The following ACACA variants were observed in gnomAD, a reference collection of about 807,000 sequenced individuals.
The protein encoded by ACACA is acetyl-CoA carboxylase alpha.
Under a neutral mutation model 296.1 loss-of-function variants are expected in ACACA, and 103 were observed. The observed-to-expected ratio is 0.35, with a 90% CI of 0.30 to 0.41. The LOEUF (loss-of-function observed/expected upper bound fraction) is 0.41. Ranked by LOEUF, ACACA falls within the 10% of genes least tolerant of loss-of-function variation. The probability of loss-of-function intolerance (pLI) is 1.00; values close to 1 mark genes in which losing one functional copy is unlikely to be tolerated. For missense variants in ACACA, 1,554 were observed against 2,989.7 expected, an observed-to-expected ratio of 0.52 and a Z score of 11.20; for synonymous variants, 953 against 1,038.6, an observed-to-expected ratio of 0.92 and a Z score of 1.58.
intron 3 of ACACA, among the ~76,000 whole-genome samples, chr17:37,316,910 A>C (rs528903764): frequency 6.7e-6 from 1 of 148,864 alleles, no homozygotes; most frequent in East Asian, 1.9e-4. Context: ...GTGTCTCTAC[A>C]AAAAATACAA....
intron 24 of ACACA, among the ~76,000 whole-genome samples, chr17:37,237,773 T>C (rs1358122381): frequency 6.6e-6 from 1 of 152,194 alleles, no homozygotes; most frequent in Non-Finnish European, 1.5e-5. Context: ...TCAGTCTCTT[T>C]TTTTGGAGAC....
intron 33 of ACACA, among the ~76,000 whole-genome samples, chr17:37,204,939 C>T (rs1248175861): frequency 2.0e-5 from 3 of 152,144 alleles, no homozygotes; most frequent in African/African-American, 7.2e-5. Flanking sequence ...AGAATGGAAA[C>T]TCTTTGGAGG....
chr17:37,250,108 T>C (rs777717355), intron 16 of ACACA, among the ~76,000 whole-genome samples: 29 of 152,230 alleles, frequency 1.9e-4, no homozygotes, highest in Non-Finnish European at 1.5e-5. Context: ...CTTTATAAAT[T>C]AGCCAGTCTT....
intron 48 of ACACA, among the ~76,000 whole-genome samples, chr17:37,123,358 G>C (rs1399599934): frequency 6.6e-6 from 1 of 152,136 alleles, no homozygotes; most frequent in Non-Finnish European, 1.5e-5. Context: ...TTAAAAAACT[G>C]TTTAGGAGCT....
intron 48 of ACACA, among the ~76,000 whole-genome samples, chr17:37,123,569 C>T (rs2074627749): frequency 6.6e-6 from 1 of 152,108 alleles, no homozygotes; most frequent in South Asian, 2.1e-4. Flanking sequence ...ACAGCATCTC[C>T]ATAACAAACT....
At chr17:37,391,007 G>A (rs1039020889) in intron 1 of ACACA, among the ~76,000 whole-genome samples, 18 of 152,212 alleles carry the variant, frequency 1.2e-4, no homozygotes, top group South Asian at 8.3e-4. Context: ...TTGGGAGGCC[G>A]AGGTGGATGG....
Position 37,275,964 on chromosome 17 carries a change from G to C in ACACA, c.888C>G (p.Pro296=). 3.1e-6 allele frequency: 5 copies of C among 1,613,972 alleles called. No individual in the cohort carries two copies. The highest frequency in any genetic ancestry group is 4.2e-6 in the Non-Finnish European group (5 of 1,179,802). The change falls in exon 8 of 56, where the codon CCC becomes CCG. Residue 296 remains proline (P), a synonymous_variant. Coordinates refer to ENST00000616317, the MANE Select transcript of ACACA (RefSeq NM_198834.3). ...VAQTAGIPTL[P]WSGSGLRVDW... is the part of the protein sequence containing the mutation. Reference sequence around the variant, plus strand: ...TTCAGTTCTTACCACTGCCGCTCCAGGGAAGAGTTGGGATACCTGCAGTTT... The same window carrying C: ...TTCAGTTCTTACCACTGCCGCTCCACGGAAGAGTTGGGATACCTGCAGTTT...
chr17:37,178,569 G>A (rs1003232615), intron 41 of ACACA, among the ~76,000 whole-genome samples: 3 of 152,160 alleles, frequency 2.0e-5, no homozygotes, highest in Admixed American at 1.3e-4. Flanking sequence ...AGCACTTTTC[G>A]GGGCTGAGGC....
intron 1 of ACACA, among the ~76,000 whole-genome samples, chr17:37,382,281 T>C (rs967348096): frequency 1.3e-5 from 2 of 152,076 alleles, no homozygotes; most frequent in Non-Finnish European, 2.9e-5. Context: ...TGCTGGACAG[T>C]GGTTCTTAAC....
chr17:37,305,645 A>G (rs898086786), intron 3 of ACACA, among the ~76,000 whole-genome samples: 1 of 152,206 alleles, frequency 6.6e-6, no homozygotes, highest in Admixed American at 6.5e-5. Context: ...ACAAACAGGC[A>G]AAGTCACTGG....
intron 3 of ACACA, chr17:37,301,450 G>A (rs915944177): frequency 6.1e-6 from 6 of 976,146 alleles, no homozygotes; most frequent in African/African-American, 5.3e-5. Context: ...CAAGGATGAC[G>A]TAGCAGTTTA....
At chr17:37,147,487 CAA>C (rs1279243828) in intron 45 of ACACA, among the ~76,000 whole-genome samples, 1 of 152,180 alleles carries the variant, frequency 6.6e-6, no homozygotes, top group Non-Finnish European at 1.5e-5. Flanking sequence ...CCAGCACACA[CAA>C]AGACAACACA....
intron 3 of ACACA, among the ~76,000 whole-genome samples, chr17:37,309,869 T>C (rs1173381901): frequency 6.6e-6 from 1 of 151,714 alleles, no homozygotes; most frequent in Admixed American, 6.6e-5. Flanking sequence ...CTGGGCCACA[T>C]AGTGAGAACA....
intron 1 of ACACA, among the ~76,000 whole-genome samples, chr17:37,384,071 C>T (rs2050422145): frequency 1.3e-5 from 2 of 152,120 alleles, no homozygotes; most frequent in South Asian, 4.1e-4. Context: ...CGAGACCAGC[C>T]TGGCCAACAT....
At chr17:37,144,639 G>A (rs146066713) in intron 45 of ACACA, among the ~76,000 whole-genome samples, 286 of 152,234 alleles carry the variant, frequency 1.9e-3, no homozygotes, top group African/African-American at 6.5e-3. Flanking sequence ...ATACATATAT[G>A]AGAACCAGAG....
Position 37,205,823 on chromosome 17 carries a change from T to C in ACACA, c.3998A>G (p.Asp1333Gly). ...CAGCCTGTCATCCTCAATATCACAG[T>C]CAGTCTTGATAGCCACATTGAGAAT... ...IHILNVAIKT[D>G]CDIEDDRLAA... is the part of the protein sequence containing the mutation. The change falls in exon 33 of 56, where the codon GAC (aspartate) becomes GGC (glycine). Residue 1333 changes from aspartate (D) to glycine (G), a missense_variant. Asp to Gly is a moderately conservative substitution (Grantham distance 94). This residue lies in a region of ACACA where 179 missense variants were observed against 283.2 expected (regional missense o/e 0.63). Transcript: ENST00000616317. The C allele has an allele frequency of 1.2e-6, 2 of 1,613,648 alleles. No individual in the cohort carries two copies. The highest frequency in any genetic ancestry group is 1.7e-5 in the Admixed American group (1 of 60,024).
intron 41 of ACACA, 126 bp downstream of exon 41, chr17:37,179,134 T>C (rs1304623923): frequency 9.3e-6 from 11 of 1,187,510 alleles, no homozygotes; most frequent in Non-Finnish European, 1.2e-5. Flanking sequence ...ACTCAGTCAA[T>C]GCTCTCTCTA....
rs2076995617 is a variant in ACACA, at chr17:37,174,001, TATATATATATATATA to T, written c.5079+5244_5079+5258del. Among the ~76,000 whole-genome samples the T allele has an allele frequency of 7.5e-4, 9 of 12,016 alleles. 1 individual carries two copies. Among genetic ancestry groups the T allele is most frequent in the African/African-American group, 2.7e-3 (6 of 2,232 alleles). The allele number at this position is 12,016 out of a possible 152,430, so 7.9% of individuals were successfully genotyped here. A position where few individuals can be genotyped will look rare whatever the true frequency, so the allele number is the denominator to read the frequency against. On this transcript the variant is annotated intron_variant, in intron 41 of 55. Coordinates refer to ENST00000616317, the MANE Select transcript of ACACA (RefSeq NM_198834.3). ...GCTAATTTATATATATATATATATA[TATATATATATATATA>T]TATATTTTTTTTTTTTTTTTTTTTT...
intron 45 of ACACA, 151 bp from the exon 46 acceptor site, chr17:37,130,369 T>A: frequency 1.0e-6 from 1 of 955,648 alleles, no homozygotes; most frequent in Non-Finnish European, 1.6e-6. Context: ...ATCTGAATCT[T>A]CTTCCTAAAA....
Sources: allele counts gnomAD v4.1 joint callset (sites outside exome capture counted in the v4.1 genomes callset), GRCh38; gene constraint gnomAD v4.1.1; regional missense constraint gnomAD v4.1.1; transcripts MANE v1.5; gene names NCBI Gene and HGNC (gene_info 2026-07-23, HGNC 2026-07-21).